ATF7IP: variants seen among roughly 807,000 people sequenced by gnomAD.
ATF7IP encodes the protein activating transcription factor 7 interacting protein.
In ATF7IP, 23 loss-of-function variants were observed where a neutral mutation model predicts 106.4. The observed-to-expected ratio is 0.22, with a 90% CI of 0.16 to 0.31. The LOEUF is 0.31. Among genes scored for constraint, ATF7IP ranks in the 10% least tolerant of loss-of-function variants. The pLI is 1.00. For synonymous variants in ATF7IP, 542 were observed against 539.0 expected, an observed-to-expected ratio of 1.01 and a Z score of -0.08; for missense variants, 1,334 against 1,524.3, an observed-to-expected ratio of 0.88 and a Z score of 2.08.
At chr12:14,465,639 T>C (rs551575462) in intron 9 of ATF7IP, among the ~76,000 whole-genome samples, 13 of 152,272 alleles carry the variant, frequency 8.5e-5, no homozygotes, top group Non-Finnish European at 1.3e-4. Context: ...TACCCTGGAA[T>C]ACTTCTCTTT....
chr12:14,365,951 C>T (rs1188166677), intron 1 of ATF7IP, 124 bp downstream of exon 1: 1 of 152,320 alleles, frequency 6.6e-6, no homozygotes, highest in East Asian at 1.9e-4. Context: ...GGTTGCGGAG[C>T]TGCGGGCGGC....
chr12:14,493,353 C>G (rs1361023583), intron 13 of ATF7IP, among the ~76,000 whole-genome samples: 1 of 152,216 alleles, frequency 6.6e-6, no homozygotes, highest in Non-Finnish European at 1.5e-5. Flanking sequence ...AACCTCACCT[C>G]TAGGGGCCCA....
chr12:14,405,128 C>T (rs1213838365), intron 1 of ATF7IP, among the ~76,000 whole-genome samples: 1 of 152,012 alleles, frequency 6.6e-6, no homozygotes, highest in Non-Finnish European at 1.5e-5. Context: ...CTTTTGCTGC[C>T]AGTGGAGGTG....
At chr12:14,376,087 A>G (rs1938726410) in intron 1 of ATF7IP, among the ~76,000 whole-genome samples, 1 of 152,232 alleles carries the variant, frequency 6.6e-6, no homozygotes, top group African/African-American at 2.4e-5. Context: ...CACGATTACT[A>G]AATTCACTAA....
At chr12:14,379,054 C>T (rs537781960) in intron 1 of ATF7IP, among the ~76,000 whole-genome samples, 28 of 152,250 alleles carry the variant, frequency 1.8e-4, no homozygotes, top group Non-Finnish European at 3.4e-4. Context: ...TGTATCCCCA[C>T]CCAAATCTAA....
chr12:14,462,557 T>C (rs891703333), intron 9 of ATF7IP, among the ~76,000 whole-genome samples: 24 of 152,018 alleles, frequency 1.6e-4, no homozygotes, highest in Non-Finnish European at 3.1e-4. Flanking sequence ...TGGCTTGAAA[T>C]ATTTTAAGAG....
chr12:14,432,200 T>C (rs1259791021), intron 2 of ATF7IP, among the ~76,000 whole-genome samples: 2 of 152,204 alleles, frequency 1.3e-5, no homozygotes, highest in African/African-American at 4.8e-5. Flanking sequence ...ATTGGAGCCA[T>C]GGCTAATTTT....
At chr12:14,372,777 T>C (rs1161090321) in intron 1 of ATF7IP, among the ~76,000 whole-genome samples, 2 of 152,152 alleles carry the variant, frequency 1.3e-5, no homozygotes, top group Non-Finnish European at 2.9e-5. Flanking sequence ...CCTTTCTTTG[T>C]TGTTTGTATA....
intron 9 of ATF7IP, among the ~76,000 whole-genome samples, chr12:14,462,204 A>G (rs1353708730): frequency 2.6e-5 from 4 of 152,114 alleles, no homozygotes; most frequent in East Asian, 1.9e-4. Context: ...AGTATTTACA[A>G]TTTAAATGTT....
chr12:14,462,097 T>C (rs1415107190), intron 9 of ATF7IP, among the ~76,000 whole-genome samples: 3 of 152,120 alleles, frequency 2.0e-5, no homozygotes, highest in Non-Finnish European at 2.9e-5. Context: ...GAATGGCAGA[T>C]CAAAATTAAT....
At chr12:14,447,127 G>A (rs1943002037) in intron 6 of ATF7IP, 74 bp downstream of exon 6, 1 of 1,197,596 alleles carries the variant, frequency 8.4e-7, no homozygotes, top group Non-Finnish European at 1.2e-6. Flanking sequence ...GAATTAGGAG[G>A]AAACTGTATT....
chr12:14,391,420 T>G (rs1240211528), intron 1 of ATF7IP, among the ~76,000 whole-genome samples: 4 of 152,210 alleles, frequency 2.6e-5, no homozygotes, highest in Non-Finnish European at 5.9e-5. Flanking sequence ...TAGAAATACC[T>G]GTACCATGGC....
intron 1 of ATF7IP, among the ~76,000 whole-genome samples, chr12:14,407,173 A>G (rs1195664411): frequency 6.6e-6 from 1 of 152,188 alleles, no homozygotes; most frequent in Admixed American, 6.5e-5. Context: ...TTTGGATAAC[A>G]AGTAGTGACC....
rs564254763 is a variant in ATF7IP at position 14,405,604 on chromosome 12, A to G, written c.-7-18305A>G. 5.9e-5 allele frequency among the ~76,000 whole-genome samples: 9 copies of G among 151,350 alleles called. No homozygotes were observed. The South Asian group carries it at 1.9e-3, about 32-fold the overall frequency. On this transcript the variant is annotated intron_variant, in intron 1 of 14. Transcript: ENST00000261168. ...AAATTTTTAAATTTTTTTTGTTGAGACAGGGTCTCACTATGTTGTCCAGGC... is the reference window on the plus strand; with the variant it reads ...AAATTTTTAAATTTTTTTTGTTGAGGCAGGGTCTCACTATGTTGTCCAGGC...
intron 1 of ATF7IP, among the ~76,000 whole-genome samples, chr12:14,370,868 C>T (rs879396450): frequency 2.7e-5 from 4 of 150,442 alleles, no homozygotes; most frequent in Non-Finnish European, 4.4e-5. Context: ...GTACAATATT[C>T]GAAATCAAAA....
At chr12:14,399,596 A>G (rs1286490646) in intron 1 of ATF7IP, among the ~76,000 whole-genome samples, 1 of 147,648 alleles carries the variant, frequency 6.8e-6, no homozygotes, top group South Asian at 2.1e-4. Flanking sequence ...TAATTTTCTT[A>G]TTTTTTCCCT....
chr12:14,385,435 T>C lies in ATF7IP; in HGVS notation c.-8+19608T>C, dbSNP rs1172955852. On this transcript the variant is annotated intron_variant, in intron 1 of 14. Coordinates refer to ENST00000261168, the MANE Select transcript of ATF7IP (RefSeq NM_018179.5). ...AATTACTCTTTTATCTTAAACATTC[T>C]CATTTTTTTCTTTTTTAAAAAGGAA... 7 of 1,521,236 alleles carry C rather than the reference T, an allele frequency of 4.6e-6. No homozygotes were observed. The Admixed American group carries it at 1.5e-4, about 32-fold the overall frequency. The allele number at this position is 1,521,236 out of a possible 1,614,324, so 94.2% of individuals were successfully genotyped here. A position where few individuals can be genotyped will look rare whatever the true frequency, so the allele number is the denominator to read the frequency against.
At chr12:14,488,616 A>G (rs1944704940) in intron 13 of ATF7IP, among the ~76,000 whole-genome samples, 1 of 152,274 alleles carries the variant, frequency 6.6e-6, no homozygotes, top group Admixed American at 6.5e-5. Context: ...GTGTCCTTCA[A>G]TCCAATCAAG....
intron 1 of ATF7IP, among the ~76,000 whole-genome samples, chr12:14,390,762 A>G (rs751362285): frequency 5.3e-5 from 8 of 152,222 alleles, no homozygotes; most frequent in Non-Finnish European, 5.9e-5. Context: ...ACTTACATCT[A>G]TTTACATTTA....
Sources: allele counts gnomAD v4.1 joint callset (sites outside exome capture counted in the v4.1 genomes callset), GRCh38; gene constraint gnomAD v4.1.1; transcripts MANE v1.5; gene names NCBI Gene and HGNC (gene_info 2026-07-23, HGNC 2026-07-21).